The following ANKS1B variants were observed in gnomAD, a reference collection of about 807,000 sequenced individuals.
ANKS1B encodes ankyrin repeat and sterile alpha motif domain-containing protein 1B.
ANKS1B carries 36 observed loss-of-function variants against 148.3 expected under a neutral mutation model. The ratio of observed to expected loss-of-function variants is 0.24; its 90% CI spans 0.19 to 0.32. The LOEUF is 0.32. ANKS1B is among the 10% of genes least tolerant of loss of function. ANKS1B has a pLI of 1.00. For missense variants in ANKS1B, 1,157 were observed against 1,542.6 expected (o/e 0.75, Z 4.19); for synonymous variants, 542 against 560.8 (o/e 0.97, Z 0.47).
intron 9 of ANKS1B, among the ~76,000 whole-genome samples, chr12:99,517,896 ATACTCAG>A (rs2096837992): frequency 1.3e-5 from 2 of 152,088 alleles, no homozygotes; most frequent in African/African-American, 4.8e-5. Context: ...TGTTCCTTCT[ATACTCAG>A]TTTTTTGAAG....
rs539520226 is a variant in ANKS1B at position 99,984,005 on chromosome 12, C to T, written c.134+99G>A. ...TCCTACCTAATTTAAGAATGAATCG[C>T]TGGCAGCCACCAGGTGCAATAACCG... On this transcript the variant is annotated intron_variant, in intron 1 of 26. Transcript: ENST00000683438. 1.2e-3 allele frequency: 1,266 copies of T among 1,081,014 alleles called. 3 individuals are homozygous for T. The highest frequency in any genetic ancestry group is 1.4e-3 in the South Asian group (77 of 54,092). 67.0% of individuals were successfully genotyped at this position (1,081,014 alleles called of 1,614,324 possible). A position where few individuals can be genotyped will look rare whatever the true frequency, so the allele number is the denominator to read the frequency against.
chr12:98,745,644 C>G lies in ANKS1B; in HGVS notation c.*95G>C, dbSNP rs1008848709. 6.5e-7 allele frequency: 1 copy of G among 1,538,218 alleles called. No individual in the cohort carries two copies. Among genetic ancestry groups the G allele is most frequent in the South Asian group, 1.3e-5 (1 of 79,166 alleles). Reference sequence around the variant, plus strand: ...AAGGCCGCACGCTCAGAGCAGTCTTCCTCCTGGGCTGGGTGGACGCGGAGG... The same window carrying G: ...AAGGCCGCACGCTCAGAGCAGTCTTGCTCCTGGGCTGGGTGGACGCGGAGG... On this transcript the variant is annotated 3_prime_UTR_variant, in exon 27 of 27. Coordinates refer to ENST00000683438, the MANE Select transcript of ANKS1B (RefSeq NM_001352186.2).
At chr12:99,848,143 G>T (rs1565852931) in intron 1 of ANKS1B, among the ~76,000 whole-genome samples, 1 of 151,990 alleles carries the variant, frequency 6.6e-6, no homozygotes, top group Non-Finnish European at 1.5e-5. Flanking sequence ...TGACTGCATG[G>T]TGTGATAGCA....
At chr12:99,491,236 C>T (rs531958610) in intron 10 of ANKS1B, among the ~76,000 whole-genome samples, 169 of 151,630 alleles carry the variant, frequency 1.1e-3, no homozygotes, top group Non-Finnish European at 2.0e-3. Flanking sequence ...ACCTGGGAGG[C>T]GGAGCTTGCA....
chr12:98,940,239 C>T (rs1041310195), intron 17 of ANKS1B, among the ~76,000 whole-genome samples: 2 of 152,098 alleles, frequency 1.3e-5, no homozygotes, highest in Non-Finnish European at 2.9e-5. Flanking sequence ...CTCTATGTGG[C>T]GGGGGCAAGA....
At chr12:99,838,662 G>A (rs1240344871) in intron 1 of ANKS1B, among the ~76,000 whole-genome samples, 1 of 151,792 alleles carries the variant, frequency 6.6e-6, no homozygotes, top group African/African-American at 2.4e-5. Context: ...TAAATTTATT[G>A]TTTCTAGCCT....
intron 11 of ANKS1B, among the ~76,000 whole-genome samples, chr12:99,409,685 G>A (rs958363897): frequency 1.3e-5 from 2 of 151,886 alleles, no homozygotes; most frequent in African/African-American, 4.8e-5. Flanking sequence ...ATATCTATGT[G>A]GAGAAATGGA....
intron 8 of ANKS1B, among the ~76,000 whole-genome samples, chr12:99,726,103 C>A (rs1261085967): frequency 6.6e-6 from 1 of 151,878 alleles, no homozygotes; most frequent in Non-Finnish European, 1.5e-5. Flanking sequence ...GCAAACTAAT[C>A]CAAAAGCTAG....
chr12:99,266,998 T>C (rs2076510593), intron 12 of ANKS1B, among the ~76,000 whole-genome samples: 1 of 152,184 alleles, frequency 6.6e-6, no homozygotes, highest in African/African-American at 2.4e-5. Flanking sequence ...ATGGATTCAC[T>C]GAAAACTTCA....
intron 17 of ANKS1B, among the ~76,000 whole-genome samples, chr12:98,866,201 A>G (rs538530632): frequency 2.0e-4 from 31 of 152,200 alleles, no homozygotes; most frequent in Non-Finnish European, 4.6e-4. Flanking sequence ...CCCTAAAGCA[A>G]GAGTGTCCCT....
At chr12:99,442,117 A>C (rs1397085721) in intron 11 of ANKS1B, among the ~76,000 whole-genome samples, 1 of 151,906 alleles carries the variant, frequency 6.6e-6, no homozygotes, top group Non-Finnish European at 1.5e-5. Flanking sequence ...GTGTCAACGA[A>C]AATGACAGAT....
intron 9 of ANKS1B, among the ~76,000 whole-genome samples, chr12:99,595,407 T>A (rs2097748458): frequency 6.6e-6 from 1 of 151,980 alleles, no homozygotes; most frequent in South Asian, 2.1e-4. Flanking sequence ...TATGAATTGT[T>A]CCAATTGCCT....
At chr12:98,789,465 C>T (rs1360789128) in intron 22 of ANKS1B, among the ~76,000 whole-genome samples, 1 of 151,714 alleles carries the variant, frequency 6.6e-6, no homozygotes, top group African/African-American at 2.4e-5. Flanking sequence ...TCAAATTAAG[C>T]ACATGCTCTT....
intron 17 of ANKS1B, among the ~76,000 whole-genome samples, chr12:98,913,314 C>G (rs2099789246): frequency 6.6e-6 from 1 of 152,266 alleles, no homozygotes; most frequent in Middle Eastern, 3.4e-3. Context: ...GCTTGGACCT[C>G]AACCCCTCCT....
At chr12:99,174,935 A>G (rs1383089028) in intron 14 of ANKS1B, among the ~76,000 whole-genome samples, 1 of 152,152 alleles carries the variant, frequency 6.6e-6, no homozygotes, top group East Asian at 1.9e-4. Context: ...ACAGTGATTA[A>G]TTGTTAATAG....
intron 17 of ANKS1B, chr12:98,949,775 T>G (rs2099851269): frequency 6.6e-6 from 1 of 152,244 alleles, no homozygotes; most frequent in Admixed American, 6.5e-5. Flanking sequence ...AGAATCAACC[T>G]CAGGAAATAG....
chr12:98,919,247 T>C (rs889723814), intron 17 of ANKS1B, among the ~76,000 whole-genome samples: 5 of 152,178 alleles, frequency 3.3e-5, no homozygotes, highest in Non-Finnish European at 7.3e-5. Flanking sequence ...AAGGAAGATT[T>C]TGTACTAAAT....
chr12:98,745,470 G>A lies in ANKS1B; in HGVS notation c.*269C>T, dbSNP rs766769756. 5.2e-5 allele frequency: 59 copies of A among 1,125,322 alleles called. No homozygotes were observed. The highest frequency in any genetic ancestry group is 6.2e-5 in the Non-Finnish European group (57 of 919,380). The allele number at this position is 1,125,322 out of a possible 1,614,324, so 69.7% of individuals were successfully genotyped here. A position where few individuals can be genotyped will look rare whatever the true frequency, so the allele number is the denominator to read the frequency against. Reference sequence around the variant, plus strand: ...GGGCGGAGTCATCAGAAATACCTTGGGAGGTGGTGGGGAGGGGAGTCGGGA... The same window carrying A: ...GGGCGGAGTCATCAGAAATACCTTGAGAGGTGGTGGGGAGGGGAGTCGGGA... On this transcript the variant is annotated 3_prime_UTR_variant, in exon 27 of 27. Transcript: ENST00000683438.
chr12:99,780,103 T>C (rs1345554104), intron 5 of ANKS1B, 131 bp from the exon 6 acceptor site: 1 of 661,438 alleles, frequency 1.5e-6, no homozygotes, highest in Non-Finnish European at 2.6e-6. Flanking sequence ...AAAAATTAAG[T>C]TCTACACACA....
Sources: gnomAD v4.1 joint callset for allele counts (sites outside exome capture counted in the v4.1 genomes callset) on GRCh38, gnomAD v4.1.1 for gene constraint, MANE v1.5 for transcripts, NCBI Gene and HGNC (gene_info 2026-07-23, HGNC 2026-07-21) for gene names.